DRC9: variants seen among roughly 807,000 people sequenced by gnomAD.
DRC9 encodes dynein regulatory complex protein 9.
At chr3:197,912,086 G>T in the DRC9 span, among the ~76,000 whole-genome samples, 345 of 151,928 alleles carry the variant, frequency 2.3e-3, no homozygotes, top group African/African-American at 7.6e-3. Context: ...TGTTGCCTAG[G>T]CTGGAGTACG....
At chr3:197,912,550 T>G in the DRC9 span, 1 of 721,124 alleles carries the variant, frequency 1.4e-6, no homozygotes, top group Non-Finnish European at 2.4e-6. Flanking sequence ...AAAGAAAACA[T>G]GAGCTAAAGT....
At chr3:197,944,007 G>A in the DRC9 span, 1 of 1,614,136 alleles carries the variant, frequency 6.2e-7, no homozygotes, top group Non-Finnish European at 8.5e-7. Context: ...CGTCATCTCA[G>A]AATGCCAAAC....
At chr3:197,914,038 T>C in the DRC9 span, 2 of 1,613,808 alleles carry the variant, frequency 1.2e-6, no homozygotes, top group Admixed American at 1.7e-5. Context: ...ATACTCATTC[T>C]GACTCTGTAG....
chr3:197,920,544 T>C, the DRC9 span, among the ~76,000 whole-genome samples: 327 of 151,962 alleles, frequency 2.2e-3, no homozygotes, highest in African/African-American at 7.6e-3. Context: ...CTGGACAACA[T>C]GGCAAAACTC....
At chr3:197,954,150 G>A in the DRC9 span, 1 of 1,614,156 alleles carries the variant, frequency 6.2e-7, no homozygotes, top group Non-Finnish European at 8.5e-7. Context: ...TCCGAGTGGT[G>A]AGTATGGTTT....
the DRC9 span, among the ~76,000 whole-genome samples, chr3:197,928,811 G>A: frequency 6.6e-6 from 1 of 152,222 alleles, no homozygotes; most frequent in Non-Finnish European, 1.5e-5. Flanking sequence ...AGATCTAAAT[G>A]TGTACAGAAT....
chr3:197,899,934 C>T, the DRC9 span, among the ~76,000 whole-genome samples: 2 of 152,340 alleles, frequency 1.3e-5, no homozygotes, highest in South Asian at 2.1e-4. Context: ...AGCAGCCACA[C>T]GGCACGGGTA....
the DRC9 span, among the ~76,000 whole-genome samples, chr3:197,934,183 CTTTTT>C: frequency 3.0e-5 from 3 of 99,470 alleles, no homozygotes; most frequent in East Asian, 2.8e-4. Context: ...CATTCTGGGT[CTTTTT>C]TTTTTTTTTT....
the DRC9 span, chr3:197,958,547 C>G: frequency 6.6e-6 from 1 of 152,138 alleles, no homozygotes; most frequent in Admixed American, 6.6e-5. Flanking sequence ...GTGGACATAT[C>G]CATGAAGACA....
the DRC9 span, among the ~76,000 whole-genome samples, chr3:197,931,120 T>G: frequency 6.6e-6 from 1 of 151,490 alleles, no homozygotes; most frequent in Non-Finnish European, 1.5e-5. Context: ...ATAAAAACAA[T>G]GCAGATGGTA....
At chr3:197,902,431 T>C in the DRC9 span, among the ~76,000 whole-genome samples, 2 of 152,148 alleles carry the variant, frequency 1.3e-5, no homozygotes, top group Admixed American at 1.3e-4. Flanking sequence ...AGACAGAGAA[T>C]TCAAAATAGC....
chr3:197,952,221 G>A, the DRC9 span, among the ~76,000 whole-genome samples: 2 of 130,880 alleles, frequency 1.5e-5, no homozygotes, highest in African/African-American at 6.0e-5. Flanking sequence ...CTAGGCTGGA[G>A]TGCAGTAGCA....
chr3:197,908,252 C>CAA, the DRC9 span, among the ~76,000 whole-genome samples: 774 of 122,570 alleles, frequency 6.3e-3, 35 homozygotes, highest in Admixed American at 0.013. Context: ...TGAAGAGTGA[C>CAA]CCCTTTCCCA....
the DRC9 span, among the ~76,000 whole-genome samples, chr3:197,918,033 C>G: frequency 6.7e-6 from 1 of 149,656 alleles, no homozygotes; most frequent in Non-Finnish European, 1.5e-5. Context: ...CCATGCCCAG[C>G]CCATTTCTCC....
the DRC9 span, among the ~76,000 whole-genome samples, chr3:197,945,427 C>T: frequency 6.6e-6 from 1 of 152,158 alleles, no homozygotes; most frequent in East Asian, 1.9e-4. Flanking sequence ...GACCTCAAGC[C>T]AGCACCATCC....
chr3:197,938,255 T>C, the DRC9 span, among the ~76,000 whole-genome samples: 1 of 148,778 alleles, frequency 6.7e-6, no homozygotes, highest in Non-Finnish European at 1.5e-5. Flanking sequence ...AGGCGGAGGC[T>C]GCACTGCGCC....
At chr3:197,909,377 C>T in the DRC9 span, among the ~76,000 whole-genome samples, 2 of 152,208 alleles carry the variant, frequency 1.3e-5, no homozygotes, top group African/African-American at 2.4e-5. Flanking sequence ...TAAGATTTTC[C>T]ACCTAGGAAA....
the DRC9 span, chr3:197,950,741 A>ATACC: frequency 1.7e-6 from 1 of 604,152 alleles, no homozygotes. Flanking sequence ...GTTTGCTTAG[A>ATACC]TACCAGCTGT....
the DRC9 span, chr3:197,913,337 CGTGCGTGCGTGT>C: frequency 3.9e-5 from 8 of 205,716 alleles, no homozygotes; most frequent in South Asian, 8.1e-5. Flanking sequence ...TGCGTGCGTG[CGTGCGTGCGTGT>C]GTGCGTGCGT....
Sources: gnomAD v4.1 joint callset for allele counts (sites outside exome capture counted in the v4.1 genomes callset) on GRCh38, gnomAD v4.1.1 for gene constraint, MANE v1.5 for transcripts, NCBI Gene and HGNC (gene_info 2026-07-23, HGNC 2026-07-21) for gene names.